Variants in FERMT2 observed in about 807,000 individuals in gnomAD.
The protein encoded by FERMT2 is fermitin family homolog 2.
A neutral mutation model predicts 82.7 loss-of-function variants in FERMT2; 15 were observed. That is an observed-to-expected ratio of 0.18 (90% CI 0.12 to 0.28). The LOEUF is 0.28. Among genes scored for constraint, FERMT2 ranks in the 10% least tolerant of loss-of-function variants. The probability of loss-of-function intolerance (pLI) is 1.00; values close to 1 mark genes in which losing one functional copy is unlikely to be tolerated. For missense variants in FERMT2, 645 were observed against 809.4 expected (o/e 0.80, Z 2.46); for synonymous variants, 274 against 271.5 (o/e 1.01, Z -0.09).
chr14:52,919,390 A>G, intron 2 of FERMT2, 34 bp from the exon 3 acceptor site: 1 of 1,475,178 alleles, frequency 6.8e-7, no homozygotes, highest in Non-Finnish European at 9.3e-7. Context: ...AATCACTTAA[A>G]AATCACCAAG....
At chr14:52,932,381 G>C (rs2139676847) in intron 2 of FERMT2, among the ~76,000 whole-genome samples, 1 of 152,302 alleles carries the variant, frequency 6.6e-6, no homozygotes, top group Admixed American at 6.5e-5. Context: ...TTAGGAGAAA[G>C]AAGATAGAAC....
Position 52,858,347 on chromosome 14 carries a change from C to T in FERMT2, c.*30G>A, listed in dbSNP as rs375697792. On this transcript the variant is annotated 3_prime_UTR_variant, in exon 15 of 15. Transcript: ENST00000341590. ...CTTTTAAAGTTAAATATTGTTATGG[C>T]CGTGGAGTTTCATTAAACAGTATTC... The T allele has an allele frequency of 4.5e-5, 71 of 1,571,460 alleles. No homozygotes were observed. The highest frequency in any genetic ancestry group is 6.0e-5 in the Non-Finnish European group (69 of 1,142,162).
At chr14:52,883,165 A>C (rs1007018681) in intron 4 of FERMT2, among the ~76,000 whole-genome samples, 12 of 152,190 alleles carry the variant, frequency 7.9e-5, no homozygotes, top group African/African-American at 2.9e-4. Context: ...ACAAACAAAC[A>C]AACAAACAAA....
At chr14:52,879,263 A>G (rs777831078) in intron 6 of FERMT2, among the ~76,000 whole-genome samples, 12 of 152,226 alleles carry the variant, frequency 7.9e-5, no homozygotes, top group Non-Finnish European at 1.6e-4. Flanking sequence ...TTATCCATTT[A>G]ATTATATAAA....
At chr14:52,909,608 C>T (rs763192306) in intron 3 of FERMT2, among the ~76,000 whole-genome samples, 15 of 151,572 alleles carry the variant, frequency 9.9e-5, no homozygotes, top group East Asian at 1.9e-4. Flanking sequence ...GCCAACATGG[C>T]GAAATTCCAC....
Position 52,859,904 on chromosome 14 carries a change from G to A in FERMT2, c.1728-190C>T, listed in dbSNP as rs148275624. 1,744 of 343,328 alleles carry A rather than the reference G, an allele frequency of 5.1e-3. 32 individuals carry two copies. Among genetic ancestry groups the A allele is most frequent in the African/African-American group, 0.034 (1,593 of 46,358 alleles). The allele number at this position is 343,328 out of a possible 1,614,324, so 21.3% of individuals were successfully genotyped here. A position where few individuals can be genotyped will look rare whatever the true frequency, so the allele number is the denominator to read the frequency against. On this transcript the variant is annotated intron_variant, in intron 13 of 14. Coordinates refer to ENST00000341590, the MANE Select transcript of FERMT2 (RefSeq NM_006832.3). ...GCGATCTCAGCTCACTGCAAGCTCC[G>A]CCTCCTGGGTTCACGCCATTCTCCT...
At chr14:52,880,699 A>C (rs903168655) in intron 6 of FERMT2, among the ~76,000 whole-genome samples, 67 of 152,158 alleles carry the variant, frequency 4.4e-4, no homozygotes, top group African/African-American at 1.5e-3. Context: ...CACCCGGCCT[A>C]AACTTTGCCA....
At chr14:52,863,376 TAAC>T (rs1049960868) in intron 12 of FERMT2, 10 of 152,176 alleles carry the variant, frequency 6.6e-5, no homozygotes, top group African/African-American at 1.9e-4. Flanking sequence ...AATTATTCCT[TAAC>T]AAAGATTAAA....
At chr14:52,902,625 T>A (rs147870107) in intron 3 of FERMT2, among the ~76,000 whole-genome samples, 1 of 151,450 alleles carries the variant, frequency 6.6e-6, no homozygotes, top group African/African-American at 2.4e-5. Flanking sequence ...TCCCAGCACT[T>A]TGGGAGGCCG....
chr14:52,950,726 G>T, intron 1 of FERMT2, 149 bp from the exon 2 acceptor site: 1 of 697,920 alleles, frequency 1.4e-6, no homozygotes, highest in Non-Finnish European at 2.3e-6. Context: ...GGCGGCCGGG[G>T]CTGCGGGAGG....
chr14:52,940,732 A>G (rs1226494873), intron 2 of FERMT2, among the ~76,000 whole-genome samples: 2 of 150,954 alleles, frequency 1.3e-5, no homozygotes, highest in East Asian at 2.0e-4. Context: ...CTTAGCCAGT[A>G]GGTTAGTCAT....
At chr14:52,903,072 T>C (rs1000243054) in intron 3 of FERMT2, among the ~76,000 whole-genome samples, 16 of 151,236 alleles carry the variant, frequency 1.1e-4, no homozygotes, top group African/African-American at 3.6e-4. Flanking sequence ...TCTGCATAAA[T>C]ACAAGAAATA....
At chr14:52,875,793 A>G (rs1265970738) in intron 7 of FERMT2, among the ~76,000 whole-genome samples, 4 of 152,120 alleles carry the variant, frequency 2.6e-5, no homozygotes, top group African/African-American at 7.2e-5. Flanking sequence ...CACTGCTCCT[A>G]TTACCCAGGA....
At chr14:52,944,530 T>C (rs1041433039) in intron 2 of FERMT2, among the ~76,000 whole-genome samples, 19 of 152,238 alleles carry the variant, frequency 1.2e-4, no homozygotes, top group African/African-American at 4.6e-4. Context: ...CAAGCTCTAA[T>C]CCTAGTGTTT....
intron 3 of FERMT2, among the ~76,000 whole-genome samples, chr14:52,907,629 AAGT>A (rs1180856942): frequency 6.6e-6 from 1 of 152,184 alleles, no homozygotes; most frequent in African/African-American, 2.4e-5. Context: ...ACTATGTGTG[AAGT>A]AGTATATTAT....
At chr14:52,859,013 T>C (rs1305402701) in intron 14 of FERMT2, 3 of 158,330 alleles carry the variant, frequency 1.9e-5, no homozygotes, top group Admixed American at 6.1e-5. Context: ...AAATGACTTA[T>C]TAGTAAAAGA....
chr14:52,877,595 T>TTTTTTTTTTC (rs1566724792), intron 7 of FERMT2, among the ~76,000 whole-genome samples: 1 of 147,468 alleles, frequency 6.8e-6, no homozygotes, highest in African/African-American at 2.5e-5. Flanking sequence ...TTTTTTTTTT[T>TTTTTTTTTTC]TTTGCTAACC....
chr14:52,881,657 C>T (rs1036140993), intron 4 of FERMT2, 188 bp from the exon 5 acceptor site: 15 of 847,240 alleles, frequency 1.8e-5, no homozygotes, highest in South Asian at 7.7e-5. Context: ...CATTAAAACA[C>T]GTAATAAAGC....
At chr14:52,881,917 A>C in intron 4 of FERMT2, 5 of 498,516 alleles carry the variant, frequency 1.0e-5, no homozygotes, top group Non-Finnish European at 1.6e-5. Flanking sequence ...AAATGAGAAA[A>C]AGAAAAAACA....
Sources: gnomAD v4.1 joint callset for allele counts (sites outside exome capture counted in the v4.1 genomes callset) on GRCh38, gnomAD v4.1.1 for gene constraint, MANE v1.5 for transcripts, NCBI Gene and HGNC (gene_info 2026-07-23, HGNC 2026-07-21) for gene names.